ARHGAP32: variants seen among roughly 807,000 people sequenced by gnomAD.
ARHGAP32 encodes rho GTPase-activating protein 32.
Under a neutral mutation model 186.5 loss-of-function variants are expected in ARHGAP32, and 51 were observed. That is an observed-to-expected ratio of 0.27 (90% CI 0.22 to 0.35). The LOEUF is 0.35. ARHGAP32 is among the 10% of genes least tolerant of loss of function. The pLI is 1.00. For synonymous variants in ARHGAP32, 950 were observed against 964.3 expected, an observed-to-expected ratio of 0.99 and a Z score of 0.27; for missense variants, 2,186 against 2,623.5, an observed-to-expected ratio of 0.83 and a Z score of 3.64.
At chr11:129,151,615 T>C (rs1244571178) in intron 2 of ARHGAP32, among the ~76,000 whole-genome samples, 1 of 152,164 alleles carries the variant, frequency 6.6e-6, no homozygotes, top group African/African-American at 2.4e-5. Context: ...TGCTCTTCAA[T>C]GATCTTTGAG....
At chr11:129,237,636 AGGCCTC>A (rs1238496488) in intron 1 of ARHGAP32, among the ~76,000 whole-genome samples, 3 of 152,144 alleles carry the variant, frequency 2.0e-5, no homozygotes, top group African/African-American at 7.2e-5. Context: ...ACAGCTGCAA[AGGCCTC>A]GGGGTAAGAG....
At chr11:129,025,762 A>G (rs1289346134) in intron 11 of ARHGAP32, among the ~76,000 whole-genome samples, 4 of 151,258 alleles carry the variant, frequency 2.6e-5, no homozygotes, top group Non-Finnish European at 1.5e-5. Context: ...ACTTAGAACA[A>G]TCTGTAAGCC....
At chr11:129,161,315 TTAAAC>T (rs1943525331) in intron 2 of ARHGAP32, among the ~76,000 whole-genome samples, 1 of 151,912 alleles carries the variant, frequency 6.6e-6, no homozygotes, top group Non-Finnish European at 1.5e-5. Context: ...TGGAATCTAA[TTAAAC>T]TAAAGACCTT....
intron 10 of ARHGAP32, among the ~76,000 whole-genome samples, 186 bp downstream of exon 10, chr11:129,062,094 A>G (rs1488542344): frequency 6.6e-6 from 1 of 152,236 alleles, no homozygotes; most frequent in African/African-American, 2.4e-5. Flanking sequence ...AGGAGATAAG[A>G]AACAACCAAA....
At chr11:129,240,173 A>G (rs137934805) in intron 1 of ARHGAP32, among the ~76,000 whole-genome samples, 8 of 152,068 alleles carry the variant, frequency 5.3e-5, no homozygotes, top group African/African-American at 1.9e-4. Flanking sequence ...ATCATACAAT[A>G]TACCCCCACA....
Position 129,062,365 on chromosome 11 carries a change from A to G in ARHGAP32, c.886-8T>C, listed in dbSNP as rs1200761056. On this transcript the variant is annotated splice_polypyrimidine_tract_variant and splice_region_variant and intron_variant, in intron 9 of 22. Transcript: ENST00000682385. ...AGAAACAATGTCTCCCACCTAGGAG[A>G]ATCAAAATTTTAAGCAAAATGGTTT... 3.1e-6 allele frequency: 5 copies of G among 1,610,012 alleles called. No individual in the cohort carries two copies. Among genetic ancestry groups the G allele is most frequent in the Non-Finnish European group, 4.2e-6 (5 of 1,177,820 alleles).
At chr11:129,176,922 G>C (rs912960142) in intron 1 of ARHGAP32, among the ~76,000 whole-genome samples, 1 of 151,966 alleles carries the variant, frequency 6.6e-6, no homozygotes, top group Non-Finnish European at 1.5e-5. Flanking sequence ...CAGAAGGCAA[G>C]AAATAACTAA....
upstream of ARHGAP32, among the ~76,000 whole-genome samples, chr11:129,193,703 A>ATATATAATATATATTATATATTATATAT (rs1944345916): frequency 1.2e-3 from 59 of 48,372 alleles, no homozygotes; most frequent in African/African-American, 4.7e-3. Flanking sequence ...ATAATATATA[A>ATATATAATATATATTATATATTATATAT]TATATATTAT....
At chr11:129,191,020 T>G (rs1341854139) in intron 1 of ARHGAP32, among the ~76,000 whole-genome samples, 1 of 152,232 alleles carries the variant, frequency 6.6e-6, no homozygotes, top group African/African-American at 2.4e-5. Flanking sequence ...GTAAAAAATT[T>G]AGTGAGGGTT....
At chr11:129,013,398 A>G (rs982842413) in intron 11 of ARHGAP32, among the ~76,000 whole-genome samples, 14 of 152,220 alleles carry the variant, frequency 9.2e-5, no homozygotes, top group Admixed American at 9.2e-4. Context: ...CTACATCCCA[A>G]TCTGAGACAC....
intron 1 of ARHGAP32, among the ~76,000 whole-genome samples, chr11:129,265,185 G>A (rs1945379659): frequency 6.6e-6 from 1 of 152,122 alleles, no homozygotes. Flanking sequence ...AAACTATGGA[G>A]GCACAAGTAG....
At chr11:129,111,195 T>C (rs756080785) in intron 5 of ARHGAP32, among the ~76,000 whole-genome samples, 8 of 152,328 alleles carry the variant, frequency 5.3e-5, no homozygotes, top group Middle Eastern at 3.4e-3. Flanking sequence ...GGTTTTTGTC[T>C]TTCAGTCGGC....
intron 5 of ARHGAP32, among the ~76,000 whole-genome samples, chr11:129,114,612 T>C (rs1942314242): frequency 6.6e-6 from 1 of 152,136 alleles, no homozygotes; most frequent in South Asian, 2.1e-4. Flanking sequence ...ACAAAGACTA[T>C]ACACTATGAA....
chr11:129,042,838 G>T (rs983480654), intron 10 of ARHGAP32, among the ~76,000 whole-genome samples: 6 of 152,184 alleles, frequency 3.9e-5, no homozygotes, highest in Non-Finnish European at 8.8e-5. Flanking sequence ...GATGCTATGA[G>T]CTCTGGAGAC....
At chr11:128,971,445 CA>C (rs1945371526) in intron 22 of ARHGAP32, 2 of 356,334 alleles carry the variant, frequency 5.6e-6, no homozygotes, top group Non-Finnish European at 1.0e-5. Flanking sequence ...ATATACAAAC[CA>C]AAAGAGAGGT....
intron 1 of ARHGAP32, among the ~76,000 whole-genome samples, chr11:129,182,764 C>G (rs1158393273): frequency 6.6e-6 from 1 of 151,702 alleles, no homozygotes; most frequent in Non-Finnish European, 1.5e-5. Flanking sequence ...CCACTTCAGT[C>G]TCCTGAGTAC....
At chr11:129,253,578 T>C (rs1285592873) in intron 1 of ARHGAP32, among the ~76,000 whole-genome samples, 1 of 152,126 alleles carries the variant, frequency 6.6e-6, no homozygotes, top group Non-Finnish European at 1.5e-5. Flanking sequence ...TACTAACACA[T>C]TGTACTAAGA....
At chr11:129,173,462 C>G (rs905006939) in intron 1 of ARHGAP32, among the ~76,000 whole-genome samples, 3 of 152,292 alleles carry the variant, frequency 2.0e-5, no homozygotes, top group African/African-American at 7.2e-5. Flanking sequence ...CTCCCTAACT[C>G]ATTTTATGAA....
chr11:129,224,201 T>A (rs1169009916), intron 1 of ARHGAP32, among the ~76,000 whole-genome samples: 1 of 152,162 alleles, frequency 6.6e-6, no homozygotes, highest in Non-Finnish European at 1.5e-5. Context: ...GTTGCAGAAT[T>A]CTCAGAATTG....
Sources: allele counts gnomAD v4.1 joint callset (sites outside exome capture counted in the v4.1 genomes callset), GRCh38; gene constraint gnomAD v4.1.1; transcripts MANE v1.5; gene names NCBI Gene and HGNC (gene_info 2026-07-23, HGNC 2026-07-21).